Variants in SLC35D4 observed in about 807,000 individuals in gnomAD.
SLC35D4 encodes solute carrier family 35 member D4, also known as UDP-N-acetylglucosamine transporter SLC35D4.
At chr18:23,279,487 C>T in the SLC35D4 span, among the ~76,000 whole-genome samples, 5 of 152,180 alleles carry the variant, frequency 3.3e-5, no homozygotes, top group Non-Finnish European at 5.9e-5. Context: ...CTCCCAGTAC[C>T]TCCGAATGTG....
the SLC35D4 span, among the ~76,000 whole-genome samples, chr18:23,377,965 A>C: frequency 6.6e-6 from 1 of 152,138 alleles, no homozygotes; most frequent in African/African-American, 2.4e-5. Flanking sequence ...ACATGCTAAG[A>C]AGAGGAGAGA....
chr18:23,363,634 A>G, the SLC35D4 span, among the ~76,000 whole-genome samples: 1 of 151,924 alleles, frequency 6.6e-6, no homozygotes, highest in African/African-American at 2.4e-5. Flanking sequence ...TCAGCCTCCC[A>G]AAGTGCTGGG....
the SLC35D4 span, among the ~76,000 whole-genome samples, chr18:23,433,679 C>A: frequency 6.6e-6 from 1 of 152,176 alleles, no homozygotes; most frequent in Admixed American, 6.5e-5. Context: ...AAACTTCTAA[C>A]AAATATCGAC....
the SLC35D4 span, among the ~76,000 whole-genome samples, chr18:23,432,762 C>A: frequency 2.0e-5 from 3 of 151,214 alleles, no homozygotes; most frequent in Admixed American, 6.6e-5. Context: ...GAGGCCAAGG[C>A]GGGAGCCCAG....
the SLC35D4 span, among the ~76,000 whole-genome samples, chr18:23,369,523 G>A: frequency 0.28 from 42,718 of 152,052 alleles, 6,660 homozygotes; most frequent in East Asian, 0.4. Context: ...AAATTAGGAC[G>A]GGGCTGGGGA....
At chr18:23,389,308 G>A in the SLC35D4 span, among the ~76,000 whole-genome samples, 1 of 152,132 alleles carries the variant, frequency 6.6e-6, no homozygotes, top group Non-Finnish European at 1.5e-5. Context: ...GTTCTTTATA[G>A]CAGTGTGAGA....
the SLC35D4 span, among the ~76,000 whole-genome samples, chr18:23,326,311 T>G: frequency 1.3e-5 from 2 of 152,056 alleles, no homozygotes; most frequent in African/African-American, 4.8e-5. Context: ...GAGACCCATC[T>G]CACGTGCAAA....
At chr18:23,437,946 G>A in the SLC35D4 span, 1 of 1,409,398 alleles carries the variant, frequency 7.1e-7, no homozygotes, top group East Asian at 2.5e-5. Context: ...GGCAGCGGCA[G>A]CAGCCGCCCA....
At chr18:23,370,152 T>C in the SLC35D4 span, 2 of 1,437,554 alleles carry the variant, frequency 1.4e-6, no homozygotes. Context: ...GCACTCCAGA[T>C]CACGCCATTG....
the SLC35D4 span, among the ~76,000 whole-genome samples, chr18:23,390,875 G>T: frequency 1.3e-5 from 2 of 152,168 alleles, no homozygotes; most frequent in African/African-American, 4.8e-5. Context: ...CCTTGTCAAA[G>T]AAAGTAACTC....
the SLC35D4 span, chr18:23,309,891 C>A: frequency 1.3e-6 from 1 of 772,498 alleles, no homozygotes; most frequent in Non-Finnish European, 2.2e-6. Context: ...TTTCCCCACA[C>A]GCTTCCTAGT....
At chr18:23,394,904 A>C in the SLC35D4 span, among the ~76,000 whole-genome samples, 1 of 146,802 alleles carries the variant, frequency 6.8e-6, no homozygotes, top group Non-Finnish European at 1.5e-5. Context: ...AATCACTTGA[A>C]CCTGGGAGGC....
the SLC35D4 span, among the ~76,000 whole-genome samples, chr18:23,317,714 A>G: frequency 1.3e-5 from 2 of 152,030 alleles, no homozygotes; most frequent in African/African-American, 4.8e-5. Context: ...ATTGTAGATT[A>G]GATATACTTT....
chr18:23,405,008 A>C, the SLC35D4 span, among the ~76,000 whole-genome samples: 6 of 149,880 alleles, frequency 4.0e-5, no homozygotes, highest in South Asian at 2.1e-4. Context: ...AAAAAAAAAA[A>C]AAAAAAAAAA....
the SLC35D4 span, among the ~76,000 whole-genome samples, chr18:23,291,868 C>T: frequency 3.3e-5 from 5 of 152,018 alleles, no homozygotes; most frequent in Non-Finnish European, 7.4e-5. Context: ...GACAAGCCAC[C>T]ACTGCTTCTC....
At chr18:23,246,092 T>C in the SLC35D4 span, among the ~76,000 whole-genome samples, 3 of 152,090 alleles carry the variant, frequency 2.0e-5, no homozygotes, top group Admixed American at 6.5e-5. Flanking sequence ...GGTGTAACCC[T>C]GTCTCTACTA....
chr18:23,350,189 T>C, the SLC35D4 span, among the ~76,000 whole-genome samples: 1 of 152,256 alleles, frequency 6.6e-6, no homozygotes, highest in Non-Finnish European at 1.5e-5. Context: ...CTGAACTAAA[T>C]TGTGAATGTG....
At chr18:23,368,205 TC>T in the SLC35D4 span, among the ~76,000 whole-genome samples, 73 of 152,268 alleles carry the variant, frequency 4.8e-4, no homozygotes, top group African/African-American at 1.7e-3. Context: ...TTGCCAATGC[TC>T]CCCTTTTCTT....
At chr18:23,381,453 C>G in the SLC35D4 span, among the ~76,000 whole-genome samples, 3 of 152,142 alleles carry the variant, frequency 2.0e-5, no homozygotes, top group African/African-American at 7.2e-5. Flanking sequence ...GATCCTCCTG[C>G]CTTGGCCTCC....
Sources: gnomAD v4.1 joint callset for allele counts (sites outside exome capture counted in the v4.1 genomes callset) on GRCh38, gnomAD v4.1.1 for gene constraint, MANE v1.5 for transcripts, NCBI Gene and HGNC (gene_info 2026-07-23, HGNC 2026-07-21) for gene names.